Variants in CDK14 observed in about 807,000 individuals in gnomAD.
CDK14 encodes the protein cyclin-dependent kinase 14.
A neutral mutation model predicts 60.7 loss-of-function variants in CDK14; 34 were observed. The observed-to-expected ratio is 0.56, with a 90% CI of 0.43 to 0.75. The LOEUF (loss-of-function observed/expected upper bound fraction) is 0.75, where lower values mean the gene tolerates loss of function less well. CDK14 is among the 30% of genes least tolerant of loss of function. The pLI, the probability that CDK14 is intolerant of heterozygous loss-of-function variation, is 0.00. For synonymous variants in CDK14, 197 were observed against 203.7 expected (o/e 0.97, Z 0.28); for missense variants, 482 against 564.1 (o/e 0.85, Z 1.47).
chr7:90,685,844 C>T (rs6963448), intron 2 of CDK14, among the ~76,000 whole-genome samples: 7,953 of 151,840 alleles, frequency 0.052, 261 homozygotes, highest in South Asian at 0.096. Context: ...CAGTCATTTT[C>T]CTTCTGTTCC....
At chr7:90,763,599 T>A (rs1804415765) in intron 4 of CDK14, among the ~76,000 whole-genome samples, 1 of 151,888 alleles carries the variant, frequency 6.6e-6, no homozygotes, top group African/African-American at 2.4e-5. Flanking sequence ...TTTCATTAGA[T>A]TTTAGATCTC....
intron 14 of CDK14, among the ~76,000 whole-genome samples, chr7:91,176,553 G>T (rs1306955943): frequency 6.6e-6 from 1 of 152,086 alleles, no homozygotes; most frequent in Non-Finnish European, 1.5e-5. Flanking sequence ...AAAATTGATA[G>T]ACTGCTAGCA....
intron 5 of CDK14, among the ~76,000 whole-genome samples, chr7:90,860,915 G>A (rs1471185588): frequency 6.6e-6 from 1 of 152,126 alleles, no homozygotes; most frequent in African/African-American, 2.4e-5. Flanking sequence ...CCTTGTCAAG[G>A]TCTTGAAATT....
chr7:90,601,681 A>G (rs1799315731), intron 1 of CDK14, among the ~76,000 whole-genome samples: 1 of 152,158 alleles, frequency 6.6e-6, no homozygotes, highest in Non-Finnish European at 1.5e-5. Flanking sequence ...AAGGAATTCC[A>G]GTTTTCTGCT....
At chr7:91,060,871 A>G (rs1797762743) in intron 11 of CDK14, among the ~76,000 whole-genome samples, 1 of 152,040 alleles carries the variant, frequency 6.6e-6, no homozygotes, top group Non-Finnish European at 1.5e-5. Context: ...TCTGACAATT[A>G]TGTGTCTTGG....
At chr7:90,620,960 A>G (rs1350036192) in intron 2 of CDK14, among the ~76,000 whole-genome samples, 1 of 152,228 alleles carries the variant, frequency 6.6e-6, no homozygotes, top group African/African-American at 2.4e-5. Context: ...TGGATCTGGC[A>G]GAAAAGGAAT....
intron 6 of CDK14, among the ~76,000 whole-genome samples, chr7:90,881,826 C>G (rs1791764955): frequency 6.6e-6 from 1 of 152,102 alleles, no homozygotes; most frequent in Non-Finnish European, 1.5e-5. Context: ...AATTTCATAT[C>G]CAGCCAGACT....
chr7:91,190,765 C>T (rs1257679356), intron 14 of CDK14, among the ~76,000 whole-genome samples: 2 of 150,736 alleles, frequency 1.3e-5, no homozygotes, highest in African/African-American at 2.5e-5. Context: ...GCTAGGAATA[C>T]AGGCGTGAGC....
chr7:91,024,519 C>T (rs565382989), intron 10 of CDK14, among the ~76,000 whole-genome samples: 3 of 152,266 alleles, frequency 2.0e-5, no homozygotes, highest in Admixed American at 6.5e-5. Flanking sequence ...GGTGTTGTGG[C>T]ACACGCCTGT....
chr7:91,059,700 T>C (rs2116105985), intron 11 of CDK14, among the ~76,000 whole-genome samples: 1 of 152,282 alleles, frequency 6.6e-6, no homozygotes, highest in South Asian at 2.1e-4. Flanking sequence ...TCAGTTTCCA[T>C]GTAGTTGAGC....
At position 90,899,285 on chromosome 7, in the gene CDK14, T is replaced by A; in HGVS notation, c.640-6T>A. 1 of 1,598,104 alleles carries A rather than the reference T, an allele frequency of 6.3e-7. No homozygotes were observed. On this transcript the variant is annotated splice_region_variant and splice_polypyrimidine_tract_variant and intron_variant, in intron 6 of 14. Coordinates refer to ENST00000380050, the MANE Select transcript of CDK14 (RefSeq NM_001287135.2). ...TTATTAATACATTTTTCCTTTTCTTTTCTAGCACACTGATTTATGTCAGTA... is the reference window on the plus strand; with the variant it reads ...TTATTAATACATTTTTCCTTTTCTTATCTAGCACACTGATTTATGTCAGTA...
chr7:90,866,955 C>G (rs1791213933), intron 6 of CDK14, among the ~76,000 whole-genome samples: 1 of 141,290 alleles, frequency 7.1e-6, no homozygotes, highest in African/African-American at 2.5e-5. Context: ...TCTGTAGATA[C>G]TACGATCTGG....
At chr7:90,636,374 G>A (rs140597493) in intron 2 of CDK14, among the ~76,000 whole-genome samples, 2 of 151,980 alleles carry the variant, frequency 1.3e-5, no homozygotes, top group Admixed American at 6.6e-5. Flanking sequence ...AGGCCTTTTC[G>A]GCATCTATTG....
chr7:90,654,619 C>T (rs962244786), intron 2 of CDK14, among the ~76,000 whole-genome samples: 3 of 152,006 alleles, frequency 2.0e-5, no homozygotes, highest in East Asian at 1.9e-4. Flanking sequence ...AAGATGCATA[C>T]AAAGTTTGGG....
chr7:91,146,828 A>T (rs767595107), intron 14 of CDK14, among the ~76,000 whole-genome samples: 1 of 152,166 alleles, frequency 6.6e-6, no homozygotes, highest in Non-Finnish European at 1.5e-5. Context: ...CATGCTGAAC[A>T]ACCCGCATTT....
chr7:90,784,531 T>A (rs1451215875), intron 4 of CDK14, among the ~76,000 whole-genome samples: 1 of 152,020 alleles, frequency 6.6e-6, no homozygotes, highest in Non-Finnish European at 1.5e-5. Flanking sequence ...ACCCTGTAAA[T>A]ATGTACAACT....
At chr7:90,942,925 G>A (rs535612814) in intron 8 of CDK14, among the ~76,000 whole-genome samples, 8 of 152,250 alleles carry the variant, frequency 5.3e-5, no homozygotes, top group Admixed American at 1.3e-4. Context: ...CTTCAGTAAA[G>A]CTGAACAGCT....
intron 14 of CDK14, among the ~76,000 whole-genome samples, chr7:91,181,069 G>C (rs1364256648): frequency 2.6e-5 from 4 of 151,964 alleles, no homozygotes; most frequent in Non-Finnish European, 1.5e-5. Flanking sequence ...CAACACCATG[G>C]TCACACTCTC....
chr7:90,939,203 T>C (rs1165873297), intron 8 of CDK14, among the ~76,000 whole-genome samples: 1 of 152,204 alleles, frequency 6.6e-6, no homozygotes, highest in African/African-American at 2.4e-5. Context: ...TAAAGCTTTA[T>C]TGGAGAAGAT....
Sources: allele counts gnomAD v4.1 joint callset (sites outside exome capture counted in the v4.1 genomes callset), GRCh38; gene constraint gnomAD v4.1.1; transcripts MANE v1.5; gene names NCBI Gene and HGNC (gene_info 2026-07-23, HGNC 2026-07-21).